Variants in NOL4 observed in about 807,000 individuals in gnomAD.
The protein encoded by NOL4 is cancer/testis antigen 125.
NOL4 carries 17 observed loss-of-function variants against 75.9 expected under a neutral mutation model. The observed-to-expected ratio is 0.22, with a 90% CI of 0.15 to 0.34. The LOEUF (loss-of-function observed/expected upper bound fraction) is 0.34. Ranked by LOEUF, NOL4 falls within the 10% of genes least tolerant of loss-of-function variation. The pLI is 1.00. For synonymous variants in NOL4, 292 were observed against 289.9 expected, an observed-to-expected ratio of 1.01 and a Z score of -0.07; for missense variants, 614 against 793.5, an observed-to-expected ratio of 0.77 and a Z score of 2.72.
At chr18:34,136,401 T>C (rs937271940) in intron 1 of NOL4, among the ~76,000 whole-genome samples, 6 of 152,122 alleles carry the variant, frequency 3.9e-5, no homozygotes, top group African/African-American at 9.7e-5. Context: ...AGTAAAAATA[T>C]CTTTGTAGAT....
At chr18:34,011,930 G>A (rs578053861) in intron 6 of NOL4, among the ~76,000 whole-genome samples, 4 of 151,904 alleles carry the variant, frequency 2.6e-5, no homozygotes, top group South Asian at 4.2e-4. Context: ...ACATTTCACC[G>A]AATGTGCAGA....
rs2062680121 is a variant in NOL4, at chr18:33,852,848, C to G, written c.1911G>C (p.Gln637His). The G allele has an allele frequency of 6.2e-7, 1 of 1,611,488 alleles. No individual in the cohort carries two copies. The highest frequency in any genetic ancestry group is 2.2e-5 in the East Asian group (1 of 44,782). Residue 637 changes from glutamine (Q) to histidine (H), a missense_variant, in exon 11 of 11, where the codon CAG (glutamine) becomes CAC (histidine). By Grantham distance (24) the Gln-to-His change is conservative. Around this residue, in one of 9 missense-constraint regions of NOL4, gnomAD observed 128 missense variants for 159.9 expected, o/e 0.80. Transcript: ENST00000261592. ...ADELENLILQ[Q>H]N The stretch of plus-strand genomic sequence containing the variant: ...AATATGGTGGTCGTCTGTCTCAGTT[C>G]TGTTGTAAAATGAGATTTTCCAGTT...
At chr18:34,054,321 G>T (rs1184455746) in intron 5 of NOL4, among the ~76,000 whole-genome samples, 3 of 151,766 alleles carry the variant, frequency 2.0e-5, no homozygotes, top group Middle Eastern at 6.8e-3. Context: ...TACTATTATT[G>T]TGCTGCTGTA....
chr18:34,136,501 G>A (rs900074436), intron 1 of NOL4, among the ~76,000 whole-genome samples: 6 of 152,042 alleles, frequency 3.9e-5, no homozygotes, highest in Non-Finnish European at 8.8e-5. Context: ...ATGAGTTCCA[G>A]TCAATATTAA....
chr18:34,102,975 C>A (rs891907763), intron 4 of NOL4, among the ~76,000 whole-genome samples: 1 of 151,876 alleles, frequency 6.6e-6, no homozygotes. Context: ...GGAGTATACC[C>A]TGAATAACAT....
chr18:34,060,736 G>C (rs1009269440), intron 5 of NOL4, among the ~76,000 whole-genome samples: 1 of 152,108 alleles, frequency 6.6e-6, no homozygotes, highest in African/African-American at 2.4e-5. Context: ...ACAAATCTGT[G>C]AGACAACACT....
chr18:34,053,917 C>G (rs1432982636), intron 5 of NOL4, among the ~76,000 whole-genome samples: 2 of 151,846 alleles, frequency 1.3e-5, no homozygotes, highest in Non-Finnish European at 2.9e-5. Flanking sequence ...AAGATGACTG[C>G]AACTGACAAT....
intron 10 of NOL4, among the ~76,000 whole-genome samples, chr18:33,853,826 A>G (rs1474427240): frequency 6.6e-6 from 1 of 151,984 alleles, no homozygotes; most frequent in Non-Finnish European, 1.5e-5. Flanking sequence ...TTTTTTTCTT[A>G]CATATTTAAG....
At position 34,010,951 on chromosome 18, in the gene NOL4, A is replaced by G. The variant is rs541157002; in HGVS notation, c.1056+8367T>C. Among the ~76,000 whole-genome samples the G allele has an allele frequency of 7.2e-5, 11 of 151,904 alleles. No homozygotes were observed. In the South Asian group the frequency reaches 2.1e-3, roughly 29 times the overall value. On this transcript the variant is annotated intron_variant, in intron 6 of 10. Transcript: ENST00000261592. ...TTTGAGTTTCTTGTATATTTTGGTT[A>G]TTAATCTCTTGTCAGATGGGTTGTT...
chr18:34,124,047 C>G (rs1254868211), intron 2 of NOL4, among the ~76,000 whole-genome samples: 1 of 152,150 alleles, frequency 6.6e-6, no homozygotes, highest in East Asian at 1.9e-4. Flanking sequence ...ACATCCAGAA[C>G]AGCAGCTTAT....
chr18:34,112,532 A>G (rs1345963329), intron 2 of NOL4, among the ~76,000 whole-genome samples: 1 of 152,176 alleles, frequency 6.6e-6, no homozygotes, highest in Non-Finnish European at 1.5e-5. Context: ...TCCCCAAAAA[A>G]GAAGGAAATC....
At chr18:34,180,940 A>G (rs1420430994) in intron 1 of NOL4, among the ~76,000 whole-genome samples, 1 of 151,508 alleles carries the variant, frequency 6.6e-6, no homozygotes, top group Non-Finnish European at 1.5e-5. Context: ...AATAATGAAA[A>G]TATACTCCAA....
At chr18:34,113,179 C>G (rs748710966) in intron 2 of NOL4, among the ~76,000 whole-genome samples, 5 of 151,892 alleles carry the variant, frequency 3.3e-5, no homozygotes, top group Non-Finnish European at 7.4e-5. Context: ...GGGGTCTCAT[C>G]ATGTTGCCCA....
chr18:34,091,977 C>A (rs1488956340), intron 5 of NOL4, among the ~76,000 whole-genome samples: 1 of 152,066 alleles, frequency 6.6e-6, no homozygotes, highest in African/African-American at 2.4e-5. Flanking sequence ...CTGCAGCTTG[C>A]AACTTCAGTC....
intron 5 of NOL4, among the ~76,000 whole-genome samples, chr18:34,024,737 T>C (rs916542361): frequency 1.3e-5 from 2 of 152,174 alleles, no homozygotes; most frequent in African/African-American, 2.4e-5. Flanking sequence ...ATAATATACA[T>C]AGTATATTTC....
At chr18:34,109,778 A>C (rs1021854914) in intron 2 of NOL4, among the ~76,000 whole-genome samples, 1 of 151,928 alleles carries the variant, frequency 6.6e-6, no homozygotes, top group Non-Finnish European at 1.5e-5. Flanking sequence ...ACCTAGACCA[A>C]GAAACAGAGA....
At chr18:33,912,475 T>C (rs1344286999) in intron 9 of NOL4, among the ~76,000 whole-genome samples, 2 of 152,100 alleles carry the variant, frequency 1.3e-5, no homozygotes, top group African/African-American at 4.8e-5. Context: ...TCTTGACATT[T>C]GAAAGGCTTT....
intron 5 of NOL4, among the ~76,000 whole-genome samples, chr18:34,024,194 A>AATATAT (rs1555696185): frequency 4.2e-5 from 3 of 70,678 alleles, no homozygotes; most frequent in African/African-American, 1.1e-4. Flanking sequence ...AAAAAAAAAA[A>AATATAT]ATATATATAT....
intron 5 of NOL4, among the ~76,000 whole-genome samples, chr18:34,031,780 T>C (rs1168408833): frequency 6.6e-6 from 1 of 152,152 alleles, no homozygotes; most frequent in Non-Finnish European, 1.5e-5. Flanking sequence ...AAAGAGTAAG[T>C]GAGAAACCCT....
Sources: allele counts gnomAD v4.1 joint callset (sites outside exome capture counted in the v4.1 genomes callset), GRCh38; gene constraint gnomAD v4.1.1; regional missense constraint gnomAD v4.1.1; transcripts MANE v1.5; gene names NCBI Gene and HGNC (gene_info 2026-07-23, HGNC 2026-07-21).